FSTL4: variants seen among roughly 807,000 people sequenced by gnomAD.
FSTL4 encodes follistatin-related protein 4.
In FSTL4, 28 loss-of-function variants were observed where a neutral mutation model predicts 78.2. The observed-to-expected ratio is 0.36, with a 90% CI of 0.27 to 0.49. The LOEUF is 0.49. FSTL4 is among the 20% of genes least tolerant of loss of function. The pLI is 0.98. For synonymous variants in FSTL4, 422 were observed against 440.5 expected (o/e 0.96, Z 0.53); for missense variants, 922 against 1,084.9 (o/e 0.85, Z 2.11).
chr5:133,837,998 C>G, the FSTL4 span, among the ~76,000 whole-genome samples: 2 of 152,196 alleles, frequency 1.3e-5, no homozygotes, highest in Non-Finnish European at 2.9e-5. Context: ...AGAGATTCTC[C>G]TGCCTCAACC....
At chr5:133,686,684 C>T in the FSTL4 span, among the ~76,000 whole-genome samples, 177 of 152,274 alleles carry the variant, frequency 1.2e-3, 1 homozygote, top group African/African-American at 4.2e-3. Context: ...TACAAAGGGA[C>T]TTCAGGTCAG....
chr5:133,255,993 A>T (rs1183890727), intron 6 of FSTL4, among the ~76,000 whole-genome samples: 1 of 152,204 alleles, frequency 6.6e-6, no homozygotes, highest in African/African-American at 2.4e-5. Context: ...AATTCTTGTC[A>T]AGCTGGTGTT....
intron 4 of FSTL4, among the ~76,000 whole-genome samples, chr5:133,396,221 A>G (rs1028267780): frequency 6.6e-6 from 1 of 152,252 alleles, no homozygotes; most frequent in Non-Finnish European, 1.5e-5. Flanking sequence ...CGGCACCAGC[A>G]TCATCCCTAG....
chr5:133,708,336 A>T, the FSTL4 span, among the ~76,000 whole-genome samples: 1 of 151,980 alleles, frequency 6.6e-6, no homozygotes, highest in Admixed American at 6.6e-5. Flanking sequence ...CGCCCTTTTC[A>T]TCTCCTCCAG....
At chr5:133,624,903 C>T in the FSTL4 span, among the ~76,000 whole-genome samples, 12 of 151,570 alleles carry the variant, frequency 7.9e-5, no homozygotes, top group African/African-American at 2.9e-4. Context: ...TGACATTTTA[C>T]TATGTTGAGT....
chr5:133,337,039 G>A (rs1467274024), intron 4 of FSTL4, among the ~76,000 whole-genome samples: 3 of 152,182 alleles, frequency 2.0e-5, no homozygotes, highest in South Asian at 2.1e-4. Flanking sequence ...TCTCGGGAAC[G>A]GGACACCTCT....
chr5:133,410,538 C>T (rs1304814254), intron 3 of FSTL4, among the ~76,000 whole-genome samples: 1 of 152,194 alleles, frequency 6.6e-6, no homozygotes, highest in Admixed American at 6.5e-5. Flanking sequence ...ACTCTGTGAG[C>T]CGCCGTGATG....
intron 3 of FSTL4, among the ~76,000 whole-genome samples, chr5:133,517,467 C>T (rs1197713711): frequency 9.2e-5 from 1 of 10,910 alleles, no homozygotes; most frequent in Non-Finnish European, 2.1e-4. Flanking sequence ...TATATATGCA[C>T]ACACACACAC....
At chr5:133,410,023 T>C (rs1010361286) in intron 3 of FSTL4, among the ~76,000 whole-genome samples, 1 of 152,232 alleles carries the variant, frequency 6.6e-6, no homozygotes, top group Admixed American at 6.5e-5. Context: ...AACTTGGATG[T>C]CTTTTGGCTA....
chr5:133,604,986 G>T (rs942510666), intron 1 of FSTL4, among the ~76,000 whole-genome samples: 1 of 152,152 alleles, frequency 6.6e-6, no homozygotes, highest in African/African-American at 2.4e-5. Context: ...TAATCACATG[G>T]ATGAAAAAAC....
chr5:133,752,376 T>A, the FSTL4 span, among the ~76,000 whole-genome samples: 1 of 152,112 alleles, frequency 6.6e-6, no homozygotes, highest in South Asian at 2.1e-4. Context: ...TCCCAGTAAC[T>A]GCCTGGCCAC....
chr5:133,333,952 C>T (rs1754405095), intron 4 of FSTL4: 1 of 152,284 alleles, frequency 6.6e-6, no homozygotes, highest in South Asian at 2.1e-4. Context: ...TTCAATGCCC[C>T]ATGTCTGACC....
chr5:133,718,862 A>AATAAGCTATTTGCC, the FSTL4 span, among the ~76,000 whole-genome samples: 1 of 152,234 alleles, frequency 6.6e-6, no homozygotes, highest in Non-Finnish European at 1.5e-5. Flanking sequence ...TGTACATACC[A>AATAAGCTATTTGCC]ATAAGCTATT....
chr5:133,265,751 AC>A (rs1448503768), intron 6 of FSTL4, among the ~76,000 whole-genome samples: 1 of 152,056 alleles, frequency 6.6e-6, no homozygotes. Flanking sequence ...CTCCCCCAGC[AC>A]CCCTGCACGG....
chr5:133,448,345 C>G (rs1304048869), intron 3 of FSTL4, among the ~76,000 whole-genome samples: 1 of 152,208 alleles, frequency 6.6e-6, no homozygotes, highest in African/African-American at 2.4e-5. Flanking sequence ...AGCACCCACA[C>G]CGTCTGAAGG....
chr5:133,661,145 C>T, the FSTL4 span, among the ~76,000 whole-genome samples: 1 of 152,216 alleles, frequency 6.6e-6, no homozygotes, highest in Non-Finnish European at 1.5e-5. Context: ...TGCGCGCCAT[C>T]ATGCCTGGCT....
chr5:133,834,917 T>G, the FSTL4 span, among the ~76,000 whole-genome samples: 1 of 151,932 alleles, frequency 6.6e-6, no homozygotes, highest in Non-Finnish European at 1.5e-5. Context: ...ATTTGTGGGG[T>G]AGGGTTATGA....
intron 4 of FSTL4, among the ~76,000 whole-genome samples, chr5:133,368,219 G>T (rs1347954364): frequency 6.6e-6 from 1 of 152,248 alleles, no homozygotes; most frequent in African/African-American, 2.4e-5. Context: ...CTCAACCTCT[G>T]GAAGGCCAGA....
the FSTL4 span, among the ~76,000 whole-genome samples, chr5:133,709,674 CA>C: frequency 6.6e-6 from 1 of 152,118 alleles, no homozygotes. Flanking sequence ...CCCTCACTGC[CA>C]AAATGACCAG....
Sources: gnomAD v4.1 joint callset for allele counts (sites outside exome capture counted in the v4.1 genomes callset) on GRCh38, gnomAD v4.1.1 for gene constraint, MANE v1.5 for transcripts, NCBI Gene and HGNC (gene_info 2026-07-23, HGNC 2026-07-21) for gene names.